L3HYPDH: variants seen among roughly 807,000 people sequenced by gnomAD.
L3HYPDH encodes trans-3-hydroxy-L-proline dehydratase.
A neutral mutation model predicts 26.5 loss-of-function variants in L3HYPDH; 32 were observed. That is an observed-to-expected ratio of 1.21 (90% confidence interval 0.91 to 1.62). The LOEUF (loss-of-function observed/expected upper bound fraction) is 1.62, where lower values mean the gene tolerates loss of function less well. Ranked by LOEUF, L3HYPDH falls within the 40% of genes most tolerant of loss-of-function variation. The probability of loss-of-function intolerance (pLI) is 0.00; values close to 1 mark genes in which losing one functional copy is unlikely to be tolerated. For missense variants in L3HYPDH, 554 were observed against 476.4 expected (o/e 1.16, Z -1.52); for synonymous variants, 215 against 196.6 (o/e 1.09, Z -0.78).
chr14:59,494,866 TTATC>T, the L3HYPDH span, among the ~76,000 whole-genome samples: 1 of 152,208 alleles, frequency 6.6e-6, no homozygotes, highest in Non-Finnish European at 1.5e-5. Context: ...ACAGTGTTAT[TTATC>T]CCTTTTGAGA....
At chr14:59,501,064 T>C in the L3HYPDH span, 1 of 620,854 alleles carries the variant, frequency 1.6e-6, no homozygotes, top group Non-Finnish European at 2.8e-6. Flanking sequence ...GAACCTTAGG[T>C]TGTAAGTCTC....
At chr14:59,471,152 C>G (rs1889301909), downstream of L3HYPDH, among the ~76,000 whole-genome samples, 1 of 152,022 alleles carries the variant, frequency 6.6e-6, no homozygotes, top group Non-Finnish European at 1.5e-5. Context: ...TTCAAGGGAA[C>G]CAGGGTGAAG....
In L3HYPDH at chr14:59,483,919, A is replaced by G. The variant is rs866148399; in HGVS notation, c.398T>C (p.Val133Ala). 1.9e-6 allele frequency: 3 copies of G among 1,557,000 alleles called. No homozygotes were observed. In the African/African-American group the frequency reaches 4.1e-5, roughly 21 times the overall value. ...CAGCCCGCAGGGGCAGTGGATATTG[A>G]CGCGGGCCTCGCGGGTGCCCGCAGG... ...APPAGTREARVNIHCPCGLVT... is the reference protein window; with the variant it reads ...APPAGTREARANIHCPCGLVT... Residue 133 changes from valine (V) to alanine (A), a missense_variant, in exon 1 of 5, where the codon GTC becomes GCC. Val to Ala is a moderately conservative substitution (Grantham distance 64, BLOSUM62 0). Coordinates refer to ENST00000247194, the MANE Select transcript of L3HYPDH (RefSeq NM_144581.2).
Position 59,484,403 on chromosome 14 carries a change from G to C in L3HYPDH, c.-87C>G. 4 of 1,442,554 alleles carry C rather than the reference G, an allele frequency of 2.8e-6. No individual in the cohort carries two copies. The highest frequency in any genetic ancestry group is 3.8e-6 in the Non-Finnish European group (4 of 1,064,538). The allele number at this position is 1,442,554 out of a possible 1,614,324, so 89.4% of individuals were successfully genotyped here. On this transcript the variant is annotated 5_prime_UTR_variant, in exon 1 of 5. Coordinates refer to ENST00000247194, the MANE Select transcript of L3HYPDH (RefSeq NM_144581.2). Reference sequence around the variant, plus strand: ...CACTGACTCCGCGGGAGGAGGGCGGGACGCTAACCAGCCACGTCCGGGGGG... The same window carrying C: ...CACTGACTCCGCGGGAGGAGGGCGGCACGCTAACCAGCCACGTCCGGGGGG...
At chr14:59,470,488 T>A (rs192217186), downstream of L3HYPDH, among the ~76,000 whole-genome samples, 9 of 152,262 alleles carry the variant, frequency 5.9e-5, no homozygotes, top group African/African-American at 2.2e-4. Flanking sequence ...TGTGAGTTCA[T>A]GATGAAGAGG....
chr14:59,470,532 T>C (rs1393772995), downstream of L3HYPDH, among the ~76,000 whole-genome samples: 2 of 152,210 alleles, frequency 1.3e-5, no homozygotes, highest in Non-Finnish European at 2.9e-5. Context: ...TGCAGCACTT[T>C]GGCGGGCACT....
chr14:59,487,319 A>T (rs1890661849), upstream of L3HYPDH: 1 of 157,734 alleles, frequency 6.3e-6, no homozygotes, highest in Admixed American at 6.4e-5. Flanking sequence ...ATTTTATAAT[A>T]ATTTCTAATT....
chr14:59,481,019 G>T (rs191769956), intron 1 of L3HYPDH, among the ~76,000 whole-genome samples: 40 of 152,304 alleles, frequency 2.6e-4, no homozygotes, highest in Non-Finnish European at 5.1e-4. Context: ...CCCGGGACCA[G>T]GATGAAATTG....
chr14:59,497,094 T>C, the L3HYPDH span, among the ~76,000 whole-genome samples: 4 of 152,008 alleles, frequency 2.6e-5, no homozygotes, highest in African/African-American at 4.8e-5. Flanking sequence ...AGGCTGTTTT[T>C]CCCAATGTAT....
At chr14:59,494,121 G>GTGT in the L3HYPDH span, among the ~76,000 whole-genome samples, 1 of 150,964 alleles carries the variant, frequency 6.6e-6, no homozygotes. Context: ...AGAAAATTTG[G>GTGT]GTGTGTGTGT....
chr14:59,483,745 T>C, intron 1 of L3HYPDH, 64 bp downstream of exon 1: 1 of 1,553,716 alleles, frequency 6.4e-7, no homozygotes, highest in South Asian at 1.2e-5. Flanking sequence ...AGAAAAACCG[T>C]TAATGTAGTT....
the L3HYPDH span, chr14:59,504,246 T>G: frequency 2.6e-5 from 16 of 603,812 alleles, no homozygotes; most frequent in South Asian, 3.3e-4. Flanking sequence ...ACTTGGAAAA[T>G]GCAAAACTCT....
At chr14:59,487,364 A>G, upstream of L3HYPDH, 1 of 196,064 alleles carries the variant, frequency 5.1e-6, no homozygotes, top group Non-Finnish European at 1.0e-5. Context: ...CAGTAAGTTG[A>G]ACATCATGAA....
intron 1 of L3HYPDH, among the ~76,000 whole-genome samples, chr14:59,482,395 C>T (rs1890085419): frequency 6.6e-6 from 1 of 152,180 alleles, no homozygotes; most frequent in South Asian, 2.1e-4. Context: ...AGAGGAACTA[C>T]TGAGGTCAAG....
chr14:59,485,869 AC>A (rs1890526583), upstream of L3HYPDH: 2 of 152,032 alleles, frequency 1.3e-5, no homozygotes, highest in South Asian at 2.1e-4. Flanking sequence ...GCCCACCTCG[AC>A]CTCCCAAAGT....
chr14:59,491,547 GT>G, the L3HYPDH span, among the ~76,000 whole-genome samples: 1 of 152,184 alleles, frequency 6.6e-6, no homozygotes, highest in Non-Finnish European at 1.5e-5. Flanking sequence ...GTGAATGTGT[GT>G]TTATGTTTTC....
chr14:59,497,055 C>T, the L3HYPDH span, among the ~76,000 whole-genome samples: 1 of 150,688 alleles, frequency 6.6e-6, no homozygotes, highest in African/African-American at 2.4e-5. Flanking sequence ...TACCAGAAAC[C>T]TTTGGAACAC....
At chr14:59,489,750 C>A in the L3HYPDH span, among the ~76,000 whole-genome samples, 6 of 152,032 alleles carry the variant, frequency 3.9e-5, no homozygotes, top group Non-Finnish European at 8.8e-5. Context: ...GTACATGAAG[C>A]ATAGTACTGG....
chr14:59,498,871 T>C, the L3HYPDH span: 1 of 1,611,652 alleles, frequency 6.2e-7, no homozygotes, highest in Non-Finnish European at 8.5e-7. Context: ...TCTTCCCAAT[T>C]TTAACCGTGC....
Sources: allele counts gnomAD v4.1 joint callset (sites outside exome capture counted in the v4.1 genomes callset), GRCh38; gene constraint gnomAD v4.1.1; transcripts MANE v1.5; gene names NCBI Gene and HGNC (gene_info 2026-07-23, HGNC 2026-07-21).